ADAMTS12: variants seen among roughly 807,000 people sequenced by gnomAD.
ADAMTS12 encodes the protein ADAM metallopeptidase with thrombospondin type 1 motif 12.
A neutral mutation model predicts 167.8 loss-of-function variants in ADAMTS12; 118 were observed. The observed-to-expected ratio is 0.70, with a 90% CI of 0.61 to 0.82. The LOEUF is 0.82. Ranked by LOEUF, ADAMTS12 falls within the 40% of genes least tolerant of loss-of-function variation. The pLI is 0.00. For synonymous variants in ADAMTS12, 704 were observed against 716.9 expected (o/e 0.98, Z 0.29); for missense variants, 1,916 against 1,998.8 (o/e 0.96, Z 0.79).
At chr5:33,846,942 T>C (rs1748968608) in intron 2 of ADAMTS12, among the ~76,000 whole-genome samples, 1 of 152,216 alleles carries the variant, frequency 6.6e-6, no homozygotes, top group Admixed American at 6.5e-5. Context: ...TCTGATGTAC[T>C]AGATTAACAA....
At chr5:33,535,922 C>T (rs1038728532) in intron 22 of ADAMTS12, among the ~76,000 whole-genome samples, 2 of 152,014 alleles carry the variant, frequency 1.3e-5, no homozygotes, top group African/African-American at 4.8e-5. Context: ...CAGCTCTGTG[C>T]CTAGCTGGAC....
intron 2 of ADAMTS12, among the ~76,000 whole-genome samples, chr5:33,825,330 G>C (rs1748020753): frequency 6.6e-6 from 1 of 152,172 alleles, no homozygotes; most frequent in African/African-American, 2.4e-5. Context: ...CAGAGTACGT[G>C]CAAGTTTCCA....
At chr5:33,682,928 C>G (rs1258489524) in intron 5 of ADAMTS12, 90 bp downstream of exon 5, 1 of 1,033,428 alleles carries the variant, frequency 9.7e-7, no homozygotes, top group Non-Finnish European at 1.4e-6. Context: ...TTCTGGTACC[C>G]TCTTTCTTGT....
chr5:33,571,050 C>G (rs1746309853), intron 19 of ADAMTS12, among the ~76,000 whole-genome samples: 1 of 152,068 alleles, frequency 6.6e-6, no homozygotes, highest in Non-Finnish European at 1.5e-5. Context: ...AGCTAACTAT[C>G]CGAAATATAT....
chr5:33,553,853 C>T (rs1010950154), intron 20 of ADAMTS12, among the ~76,000 whole-genome samples: 3 of 152,162 alleles, frequency 2.0e-5, no homozygotes, highest in African/African-American at 7.2e-5. Flanking sequence ...CACTTGTACC[C>T]TGAACTTAAA....
intron 18 of ADAMTS12, among the ~76,000 whole-genome samples, chr5:33,578,120 A>G (rs911459221): frequency 6.6e-6 from 1 of 152,206 alleles, no homozygotes; most frequent in Non-Finnish European, 1.5e-5. Flanking sequence ...GTCAACCACC[A>G]AATAGTTGGC....
chr5:33,801,914 C>T (rs1337695352), intron 2 of ADAMTS12, among the ~76,000 whole-genome samples: 1 of 152,156 alleles, frequency 6.6e-6, no homozygotes, highest in Non-Finnish European at 1.5e-5. Flanking sequence ...ATGTTTATGT[C>T]CCTCCAAAAT....
chr5:33,853,480 C>T (rs565073406), intron 2 of ADAMTS12, among the ~76,000 whole-genome samples: 1 of 152,298 alleles, frequency 6.6e-6, no homozygotes, highest in South Asian at 2.1e-4. Context: ...CATAACGCAA[C>T]ACAGCAGAGA....
intron 5 of ADAMTS12, among the ~76,000 whole-genome samples, chr5:33,681,816 G>C (rs1011821580): frequency 2.6e-5 from 4 of 152,116 alleles, no homozygotes; most frequent in Non-Finnish European, 5.9e-5. Flanking sequence ...GTGAGTATGA[G>C]AGTAGGAAAC....
chr5:33,613,609 G>C (rs542174497), intron 16 of ADAMTS12, among the ~76,000 whole-genome samples: 2 of 152,304 alleles, frequency 1.3e-5, no homozygotes, highest in Non-Finnish European at 2.9e-5. Context: ...AGGAAATGAA[G>C]CAGAGTCTTC....
At chr5:33,806,410 C>G (rs1747232187) in intron 2 of ADAMTS12, among the ~76,000 whole-genome samples, 1 of 152,188 alleles carries the variant, frequency 6.6e-6, no homozygotes, top group African/African-American at 2.4e-5. Flanking sequence ...CTTTTCAATA[C>G]CAGTCTGTGG....
intron 2 of ADAMTS12, among the ~76,000 whole-genome samples, chr5:33,761,392 G>A (rs1047250571): frequency 6.6e-6 from 1 of 152,214 alleles, no homozygotes; most frequent in African/African-American, 2.4e-5. Context: ...GCATTCCAGG[G>A]ATGTTTCACA....
intron 16 of ADAMTS12, among the ~76,000 whole-genome samples, chr5:33,602,337 C>T (rs1240078546): frequency 6.6e-6 from 1 of 152,208 alleles, no homozygotes; most frequent in African/African-American, 2.4e-5. Flanking sequence ...ATCAGACCTC[C>T]ACTGTATATT....
At chr5:33,623,842 G>A (rs911696776) in intron 14 of ADAMTS12, among the ~76,000 whole-genome samples, 11 of 152,032 alleles carry the variant, frequency 7.2e-5, no homozygotes, top group East Asian at 3.9e-4. Context: ...CAGCCTTCTC[G>A]GCCAGCTTCT....
At chr5:33,585,064 T>C (rs916216547) in intron 18 of ADAMTS12, among the ~76,000 whole-genome samples, 29 of 152,056 alleles carry the variant, frequency 1.9e-4, no homozygotes, top group African/African-American at 6.8e-4. Context: ...CATCCATCCA[T>C]CCATCCATCC....
In ADAMTS12 at chr5:33,881,335, C is replaced by T. The variant is rs749464583; in HGVS notation, c.273G>A (p.Val91=). ...TCTCCTCGTGAGAAATTCTGTAGTA[C>T]ACCCAGTCCTCTGAGCCATCCAAAT... is the stretch of plus-strand genomic sequence containing the variant. ...KRDLDGSEDW[V]YYRISHEEKD... is the part of the protein sequence containing the mutation. Residue 91 remains valine, a synonymous_variant, in exon 2 of 24, where the codon GTG becomes GTA. Transcript: ENST00000504830. 8.1e-6 allele frequency: 13 copies of T among 1,614,200 alleles called. No homozygotes were observed. The highest frequency in any genetic ancestry group is 1.0e-5 in the Non-Finnish European group (12 of 1,180,024).
intron 2 of ADAMTS12, among the ~76,000 whole-genome samples, chr5:33,813,125 G>A (rs1747523711): frequency 6.6e-6 from 1 of 152,210 alleles, no homozygotes; most frequent in Non-Finnish European, 1.5e-5. Context: ...GTGACTTGCT[G>A]GATCACGCAA....
intron 2 of ADAMTS12, among the ~76,000 whole-genome samples, chr5:33,759,162 G>T (rs1407668278): frequency 6.6e-6 from 1 of 152,182 alleles, no homozygotes; most frequent in Non-Finnish European, 1.5e-5. Flanking sequence ...CTGAGTAATT[G>T]GTTCTTAGGG....
intron 3 of ADAMTS12, among the ~76,000 whole-genome samples, chr5:33,697,553 C>T (rs1268782037): frequency 7.2e-6 from 1 of 137,978 alleles, no homozygotes; most frequent in African/African-American, 2.8e-5. Context: ...TTCACAGTAC[C>T]CCGCTCCTTT....
Sources: gnomAD v4.1 joint callset for allele counts (sites outside exome capture counted in the v4.1 genomes callset) on GRCh38, gnomAD v4.1.1 for gene constraint, MANE v1.5 for transcripts, NCBI Gene and HGNC (gene_info 2026-07-23, HGNC 2026-07-21) for gene names.